ADK: variants seen among roughly 807,000 people sequenced by gnomAD.
ADK encodes N6,N6-dimethyladenosine kinase.
A neutral mutation model predicts 44.7 loss-of-function variants in ADK; 24 were observed. That is an observed-to-expected ratio of 0.54 (90% CI 0.39 to 0.76). The LOEUF is 0.76. Among genes scored for constraint, ADK ranks in the 30% least tolerant of loss-of-function variants. The pLI, the probability that ADK is intolerant of heterozygous loss-of-function variation, is 0.00. For synonymous variants in ADK, 128 were observed against 142.6 expected (o/e 0.90, Z 0.73); for missense variants, 321 against 425.1 (o/e 0.76, Z 2.15).
At chr10:74,620,816 TTTGGC>T (rs1852968570) in intron 9 of ADK, among the ~76,000 whole-genome samples, 1 of 152,180 alleles carries the variant, frequency 6.6e-6, no homozygotes, top group African/African-American at 2.4e-5. Context: ...TTCCCATTTT[TTTGGC>T]CATTTATATA....
chr10:74,232,369 A>C (rs549102497), intron 3 of ADK, among the ~76,000 whole-genome samples: 1 of 152,120 alleles, frequency 6.6e-6, no homozygotes, highest in Non-Finnish European at 1.5e-5. Flanking sequence ...AAGTATAAAA[A>C]AAATTAGCTG....
intron 6 of ADK, among the ~76,000 whole-genome samples, chr10:74,471,338 T>C (rs983567727): frequency 6.6e-6 from 1 of 152,114 alleles, no homozygotes; most frequent in Non-Finnish European, 1.5e-5. Context: ...CCTCCCAAAG[T>C]TCTGGGATTA....
chr10:74,217,348 G>C (rs1844088223), intron 2 of ADK, among the ~76,000 whole-genome samples: 1 of 152,262 alleles, frequency 6.6e-6, no homozygotes, highest in African/African-American at 2.4e-5. Flanking sequence ...GGCTTGCTTA[G>C]CTAAACAAAG....
chr10:74,287,487 A>C (rs1425165294), intron 3 of ADK, among the ~76,000 whole-genome samples: 1 of 151,704 alleles, frequency 6.6e-6, no homozygotes, highest in East Asian at 1.9e-4. Context: ...AATCTCTTGG[A>C]TGAGAAAACT....
rs1420247120 is a variant in ADK, at chr10:74,338,491, AATT to A, written c.273+23747_273+23749del. On this transcript the variant is annotated intron_variant, in intron 4 of 10. Coordinates refer to ENST00000539909, the MANE Select transcript of ADK (RefSeq NM_006721.4). ...AAATATTTACATCAGCTTAATTTGTAATTGCCTCAAACTGGAAAGAATCCAGAT... is the reference window on the plus strand; with the variant it reads ...AAATATTTACATCAGCTTAATTTGTAGCCTCAAACTGGAAAGAATCCAGAT... Among the ~76,000 whole-genome samples, 11 of 152,336 alleles carry A rather than the reference AATT, an allele frequency of 7.2e-5. No homozygotes were observed. The East Asian group carries it at 1.9e-3, about 27-fold the overall frequency.
intron 6 of ADK, among the ~76,000 whole-genome samples, chr10:74,524,145 T>A (rs1209416612): frequency 3.3e-5 from 5 of 152,250 alleles, no homozygotes; most frequent in African/African-American, 1.2e-4. Context: ...TCTTTGCTTA[T>A]GCTTTCCTCT....
chr10:74,319,063 G>A (rs187722098), intron 4 of ADK, among the ~76,000 whole-genome samples: 32 of 152,124 alleles, frequency 2.1e-4, no homozygotes, highest in Non-Finnish European at 1.3e-4. Flanking sequence ...GTATAGAAAG[G>A]AAACATAAAA....
rs376525802 is a variant in ADK at position 74,499,919 on chromosome 10, G to C, written c.556-25337G>C. On this transcript the variant is annotated intron_variant, in intron 6 of 10. Coordinates refer to ENST00000539909, the MANE Select transcript of ADK (RefSeq NM_006721.4). ...AACAATGGCAGGGATGTGTATGAAA[G>C]AGTGAGCAGGTAGATAAGTCAATAG... is the stretch of plus-strand genomic sequence containing the variant. 1.3e-4 allele frequency among the ~76,000 whole-genome samples: 20 copies of C among 152,258 alleles called. No individual in the cohort carries two copies. In the East Asian group the frequency reaches 3.9e-3, roughly 29 times the overall value.
rs1450985685 is a variant in ADK at position 74,161,784 on chromosome 10, C to G, written c.65+10441C>G. 2.6e-5 allele frequency among the ~76,000 whole-genome samples: 4 copies of G among 151,972 alleles called. No individual in the cohort carries two copies. The East Asian group carries it at 7.8e-4, about 29-fold the overall frequency. On this transcript the variant is annotated intron_variant, in intron 1 of 10. Transcript: ENST00000539909. ...GCAGTGGTACAATCATGGCTCACTG[C>G]AGCTTTGACCTCCCAGGCTCAAGCG...
intron 1 of ADK, among the ~76,000 whole-genome samples, chr10:74,152,618 T>G (rs1159365959): frequency 6.6e-6 from 1 of 152,220 alleles, no homozygotes. Flanking sequence ...GATTTTTCCT[T>G]AATAAAAATT....
chr10:74,665,331 A>G (rs1854906367), intron 9 of ADK, among the ~76,000 whole-genome samples: 1 of 152,222 alleles, frequency 6.6e-6, no homozygotes, highest in South Asian at 2.1e-4. Context: ...GTTTTTACGT[A>G]GTCATACTTT....
chr10:74,602,544 T>C (rs1447523175), intron 9 of ADK, among the ~76,000 whole-genome samples: 1 of 152,220 alleles, frequency 6.6e-6, no homozygotes, highest in Admixed American at 6.5e-5. Context: ...TGTGACTGTA[T>C]TTCCTTGTGA....
chr10:74,291,476 A>C (rs1246435468), intron 3 of ADK, among the ~76,000 whole-genome samples: 2 of 152,116 alleles, frequency 1.3e-5, no homozygotes, highest in African/African-American at 2.4e-5. Flanking sequence ...ATATAACAAA[A>C]AGAAAGCATT....
intron 6 of ADK, among the ~76,000 whole-genome samples, chr10:74,520,892 G>C (rs371545180): frequency 1.3e-5 from 2 of 152,076 alleles, no homozygotes; most frequent in Non-Finnish European, 2.9e-5. Context: ...CAGCCTCTAA[G>C]TGTTAGCATC....
At chr10:74,482,214 C>T (rs1045080353) in intron 6 of ADK, among the ~76,000 whole-genome samples, 3 of 152,068 alleles carry the variant, frequency 2.0e-5, no homozygotes, top group Non-Finnish European at 2.9e-5. Context: ...CTGGGGAGGC[C>T]TCAGGAAACT....
At chr10:74,606,172 G>A (rs1163828824) in intron 9 of ADK, among the ~76,000 whole-genome samples, 1 of 151,884 alleles carries the variant, frequency 6.6e-6, no homozygotes, top group African/African-American at 2.4e-5. Context: ...TATCTATTTT[G>A]TTAATCTTTG....
At chr10:74,682,213 C>T (rs1205999577) in intron 10 of ADK, among the ~76,000 whole-genome samples, 1 of 152,106 alleles carries the variant, frequency 6.6e-6, no homozygotes, top group African/African-American at 2.4e-5. Flanking sequence ...GAGCTTTCTT[C>T]CGAAATTAAG....
chr10:74,354,666 G>C (rs547068658), intron 4 of ADK, among the ~76,000 whole-genome samples: 1 of 152,198 alleles, frequency 6.6e-6, no homozygotes, highest in East Asian at 1.9e-4. Context: ...TGATGTGAAG[G>C]GTCTACTCCA....
In ADK at chr10:74,662,566, C is replaced by A. The variant is rs556057271; in HGVS notation, c.878-7617C>A. Among the ~76,000 whole-genome samples, 48 of 152,302 alleles carry A rather than the reference C, an allele frequency of 3.2e-4. 1 individual carries two copies. In the South Asian group the frequency reaches 9.3e-3, roughly 30 times the overall value. ...AAAGTGCTGGGATTATAGACATGAGCCACTGTGCCCAGCAATATTTTCATA... is the reference window on the plus strand; with the variant it reads ...AAAGTGCTGGGATTATAGACATGAGACACTGTGCCCAGCAATATTTTCATA... On this transcript the variant is annotated intron_variant, in intron 9 of 10. Coordinates refer to ENST00000539909, the MANE Select transcript of ADK (RefSeq NM_006721.4).
Sources: allele counts gnomAD v4.1 joint callset (sites outside exome capture counted in the v4.1 genomes callset), GRCh38; gene constraint gnomAD v4.1.1; transcripts MANE v1.5; gene names NCBI Gene and HGNC (gene_info 2026-07-23, HGNC 2026-07-21).